The following ADD2 variants were observed in gnomAD, a reference collection of about 807,000 sequenced individuals.
The protein encoded by ADD2 is beta-adducin.
In ADD2, 23 loss-of-function variants were observed where a neutral mutation model predicts 83.0. That is an observed-to-expected ratio of 0.28 (90% confidence interval 0.20 to 0.39). The LOEUF is 0.39. Ranked by LOEUF, ADD2 falls within the 10% of genes least tolerant of loss-of-function variation. The pLI is 1.00. For missense variants in ADD2, 758 were observed against 944.9 expected (o/e 0.80, Z 2.59); for synonymous variants, 375 against 375.4 (o/e 1.00, Z 0.01).
At position 70,768,149 on chromosome 2, in the gene ADD2, C is replaced by T. The variant is rs1432095891; in HGVS notation, c.-417G>A. The T allele has an allele frequency of 3.2e-6, 2 of 616,608 alleles. No individual in the cohort carries two copies. Among genetic ancestry groups the T allele is most frequent in the African/African-American group, 1.9e-5 (1 of 53,770 alleles). 38.2% of individuals were successfully genotyped at this position (616,608 alleles called of 1,614,324 possible). On this transcript the variant is annotated 5_prime_UTR_variant, in exon 1 of 16. Transcript: ENST00000264436. Reference sequence around the variant, plus strand: ...TCGGGTTCCCGCTAGTCCCTCACAGCCCTGCCGTCAGAATTAAAGCCATTT... The same window carrying T: ...TCGGGTTCCCGCTAGTCCCTCACAGTCCTGCCGTCAGAATTAAAGCCATTT...
intron 2 of ADD2, among the ~76,000 whole-genome samples, chr2:70,712,443 C>CAAAAAAA (rs11422928): frequency 8.1e-6 from 1 of 123,266 alleles, no homozygotes; most frequent in Non-Finnish European, 1.7e-5. Flanking sequence ...GACCCTGTCT[C>CAAAAAAA]AAAAAAAATA....
In ADD2 at chr2:70,706,013, C is replaced by T. The variant is rs1429184391; in HGVS notation, c.183+213G>A. ...CCGTCCCACCTCCCCCCGCACCAAG[C>T]CAAACTGCCACACACAAGCCAGGTT... On this transcript the variant is annotated intron_variant, in intron 3 of 15. Coordinates refer to ENST00000264436, the MANE Select transcript of ADD2 (RefSeq NM_001617.4). The surrounding 1 kb of genome is among the most constrained non-coding windows in gnomAD (Gnocchi z 5.0). Among the ~76,000 whole-genome samples the T allele has an allele frequency of 6.6e-6, 1 of 152,218 alleles. No individual in the cohort carries two copies. Among genetic ancestry groups the T allele is most frequent in the Non-Finnish European group, 1.5e-5 (1 of 68,040 alleles).
At chr2:70,704,563 C>G in intron 3 of ADD2, 104 bp from the exon 4 acceptor site, 1 of 1,428,314 alleles carries the variant, frequency 7.0e-7, no homozygotes, top group Non-Finnish European at 9.5e-7. Context: ...TCAGCTAGGT[C>G]AGGGCCATGC....
At chr2:70,732,634 T>A (rs1211434554) in intron 1 of ADD2, among the ~76,000 whole-genome samples, 1 of 152,172 alleles carries the variant, frequency 6.6e-6, no homozygotes, top group Non-Finnish European at 1.5e-5. Flanking sequence ...GAGAAGAGGA[T>A]CCTGTCTGTC....
At chr2:70,743,767 G>A (rs1553381497) in intron 1 of ADD2, among the ~76,000 whole-genome samples, 2 of 152,216 alleles carry the variant, frequency 1.3e-5, no homozygotes, top group African/African-American at 4.8e-5. Context: ...TTCCAGGCCA[G>A]ATTACTATAG....
intron 1 of ADD2, among the ~76,000 whole-genome samples, chr2:70,746,622 T>C (rs574139384): frequency 5.9e-5 from 9 of 152,246 alleles, no homozygotes; most frequent in Admixed American, 3.9e-4. Context: ...ACTTCCCCAA[T>C]AGGGTAGGAT....
rs1186796107 is a variant in ADD2, at chr2:70,660,639, G to A, written c.*2786C>T. The A allele has an allele frequency of 6.6e-6, 1 of 152,198 alleles. No homozygotes were observed. Among genetic ancestry groups the A allele is most frequent in the African/African-American group, 2.4e-5 (1 of 41,422 alleles). 9.4% of individuals were successfully genotyped at this position (152,198 alleles called of 1,614,324 possible). ...GATTCAGCCCTGCCTACCTATGAAG[G>A]GACCCCTCAACCCCTGAGCTTCCAC... On this transcript the variant is annotated 3_prime_UTR_variant, in exon 16 of 16. Transcript: ENST00000264436.
chr2:70,700,196 A>G (rs529696809), intron 4 of ADD2, among the ~76,000 whole-genome samples: 1 of 152,314 alleles, frequency 6.6e-6, no homozygotes, highest in South Asian at 2.1e-4. Context: ...AAATGATATT[A>G]TTAGGTCACA....
At position 70,663,697 on chromosome 2, in the gene ADD2, T is replaced by C. The variant is rs1553365546; in HGVS notation, c.1909A>G (p.Thr637Ala). Residue 637 changes from threonine to alanine, a missense_variant, in exon 16 of 16, where the codon ACA becomes GCA. Thr to Ala is a moderately conservative substitution (Grantham distance 58, BLOSUM62 0). Coordinates refer to ENST00000264436, the MANE Select transcript of ADD2 (RefSeq NM_001617.4). ...TCCGGCTGGGTTGTTTCGGGCTCTG[T>C]GGTGGCGGCTTTGCTTGTTTCTGTC... ...KKTETSKAAT[T>A]EPETTQPEGV... 17 of 1,614,138 alleles carry C rather than the reference T, an allele frequency of 1.1e-5. No individual in the cohort carries two copies. The highest frequency in any genetic ancestry group is 1.7e-5 in the Admixed American group (1 of 60,016).
At chr2:70,738,876 C>G (rs1399909941) in intron 1 of ADD2, among the ~76,000 whole-genome samples, 3 of 152,062 alleles carry the variant, frequency 2.0e-5, no homozygotes, top group Admixed American at 2.0e-4. Flanking sequence ...ACACCATATA[C>G]AAAAATCAAC....
intron 15 of ADD2, among the ~76,000 whole-genome samples, chr2:70,664,698 T>G (rs1291245008): frequency 1.3e-5 from 2 of 152,080 alleles, no homozygotes; most frequent in South Asian, 2.1e-4. Flanking sequence ...TGTGTGTGGG[T>G]GAGCACGTGT....
chr2:70,673,214 A>C, intron 14 of ADD2: 1 of 1,611,912 alleles, frequency 6.2e-7, no homozygotes, highest in Non-Finnish European at 8.5e-7. Context: ...GGGTGGAGTC[A>C]TGTTTCCTTC....
chr2:70,717,408 T>C (rs1411840955), intron 1 of ADD2, among the ~76,000 whole-genome samples: 2 of 152,196 alleles, frequency 1.3e-5, no homozygotes, highest in East Asian at 1.9e-4. Context: ...TTAAGCTTCA[T>C]GTGCCCTAAG....
chr2:70,690,770 G>A lies in ADD2; in HGVS notation c.849+16C>T, dbSNP rs1553371400. 5.0e-6 allele frequency: 8 copies of A among 1,605,948 alleles called. No homozygotes were observed. The Admixed American group carries it at 1.4e-4, about 28-fold the overall frequency. On this transcript the variant is annotated intron_variant, in intron 8 of 15. Transcript: ENST00000264436. ...AATGCCACTCTAGATTATTGTCCCA[G>A]AAGAGCTAAGCTAACCTTGCAGGTG...
intron 1 of ADD2, among the ~76,000 whole-genome samples, chr2:70,720,075 G>A (rs938192684): frequency 6.6e-6 from 1 of 152,122 alleles, no homozygotes; most frequent in Non-Finnish European, 1.5e-5. Flanking sequence ...GGCAAATTAA[G>A]GTTGAAATTG....
chr2:70,765,431 G>A (rs1553385840), intron 1 of ADD2, among the ~76,000 whole-genome samples: 1 of 149,116 alleles, frequency 6.7e-6, no homozygotes, highest in Admixed American at 6.6e-5. Flanking sequence ...TGTGTTTTGT[G>A]TTTTTCCCAC....
intron 2 of ADD2, among the ~76,000 whole-genome samples, chr2:70,710,496 C>T (rs1553375290): frequency 6.6e-6 from 1 of 152,240 alleles, no homozygotes; most frequent in African/African-American, 2.4e-5. Flanking sequence ...TCCAGAGGTA[C>T]TCCGATGGGG....
chr2:70,759,866 G>A (rs1674991087), intron 1 of ADD2, among the ~76,000 whole-genome samples: 1 of 152,126 alleles, frequency 6.6e-6, no homozygotes, highest in African/African-American at 2.4e-5. Flanking sequence ...TGGCAGTGCT[G>A]ATAGATTTCC....
At chr2:70,720,773 C>T (rs971307402) in intron 1 of ADD2, among the ~76,000 whole-genome samples, 11 of 152,178 alleles carry the variant, frequency 7.2e-5, no homozygotes, top group Non-Finnish European at 1.5e-4. Flanking sequence ...GCCCATGTTT[C>T]CCAGGCCTGC....
Sources: allele counts gnomAD v4.1 joint callset (sites outside exome capture counted in the v4.1 genomes callset), GRCh38; gene constraint gnomAD v4.1.1; non-coding constraint Gnocchi (gnomAD v3.1); transcripts MANE v1.5; gene names NCBI Gene and HGNC (gene_info 2026-07-23, HGNC 2026-07-21).